The following RTN3 variants were observed in gnomAD, a reference collection of about 807,000 sequenced individuals.
The protein encoded by RTN3 is reticulon 3.
RTN3 carries 49 observed loss-of-function variants against 77.8 expected under a neutral mutation model. The observed-to-expected ratio is 0.63, with a 90% confidence interval of 0.50 to 0.80. The LOEUF is 0.80. RTN3 is among the 30% of genes least tolerant of loss of function. The pLI is 0.00. For missense variants in RTN3, 1,236 were observed against 1,211.9 expected (o/e 1.02, Z -0.29); for synonymous variants, 464 against 446.9 (o/e 1.04, Z -0.48).
intron 2 of RTN3, among the ~76,000 whole-genome samples, chr11:63,716,907 T>C (rs2134802096): frequency 7.1e-6 from 1 of 140,510 alleles, no homozygotes; most frequent in African/African-American, 2.6e-5. Context: ...AGGCGGAGCT[T>C]GCAGTGAGCA....
At chr11:63,682,295 G>A (rs1170765128) in intron 1 of RTN3, among the ~76,000 whole-genome samples, 1 of 152,144 alleles carries the variant, frequency 6.6e-6, no homozygotes, top group East Asian at 1.9e-4. Context: ...GGAAGGATGA[G>A]GAAGTTTAAT....
rs1450820876 is a variant in RTN3, at chr11:63,752,523, G to A, written c.2755G>A (p.Asp919Asn). Residue 919 changes from aspartate to asparagine, a missense_variant, in exon 5 of 9, where the codon GAC becomes AAC. Coordinates refer to ENST00000377819, the MANE Select transcript of RTN3 (RefSeq NM_001265589.2). ...GHPFKAYLDVDITLSSEAFHN... is the reference protein window; with the variant it reads ...GHPFKAYLDVNITLSSEAFHN... ...TTCTGGAAGAGCCTACCTGGACGTA[G>A]ACATTACTCTGTCCTCAGAAGCTTT... 87 of 1,613,450 alleles carry A rather than the reference G, an allele frequency of 5.4e-5. No individual in the cohort carries two copies. The highest frequency in any genetic ancestry group is 6.8e-5 in the Non-Finnish European group (80 of 1,179,512).
At chr11:63,718,291 A>G (rs1239049862) in intron 2 of RTN3, among the ~76,000 whole-genome samples, 2 of 152,214 alleles carry the variant, frequency 1.3e-5, no homozygotes, top group Non-Finnish European at 1.5e-5. Context: ...ATTGAAGTCT[A>G]TCAACCCTTT....
In RTN3 at chr11:63,719,812, A is replaced by G. The variant is rs2011625666; in HGVS notation, c.1310A>G (p.Gln437Arg). ...AAAGAATTCAGTATCAAAGGTGTGC[A>G]AGGCAATATGCAGAAACAGGATGAC... is the stretch of plus-strand genomic sequence containing the variant. ...STKEFSIKGV[Q>R]GNMQKQDDTL... Residue 437 changes from glutamine to arginine, a missense_variant, in exon 3 of 9, where the codon CAA (glutamine) becomes CGA (arginine). Around this residue, in one of 3 missense-constraint regions of RTN3, gnomAD observed 1,056 missense variants for 990.4 expected, o/e 1.07. Transcript: ENST00000377819. 1 of 1,614,086 alleles carries G rather than the reference A, an allele frequency of 6.2e-7. No individual in the cohort carries two copies.
chr11:63,754,237 G>C (rs780581458), intron 7 of RTN3, among the ~76,000 whole-genome samples: 1 of 151,566 alleles, frequency 6.6e-6, no homozygotes, highest in Non-Finnish European at 1.5e-5. Flanking sequence ...TTGCACTCCA[G>C]CCTGGGTGAT....
chr11:63,689,599 A>ATT (rs879601430), intron 1 of RTN3, among the ~76,000 whole-genome samples: 2 of 146,278 alleles, frequency 1.4e-5, no homozygotes, highest in African/African-American at 5.0e-5. Context: ...TGCTCTTGTG[A>ATT]TTTTTTTTTT....
chr11:63,738,181 G>C (rs965990147), intron 3 of RTN3, among the ~76,000 whole-genome samples: 1 of 152,078 alleles, frequency 6.6e-6, no homozygotes, highest in Non-Finnish European at 1.5e-5. Flanking sequence ...AAGCTTAACT[G>C]TTTCCCCTTT....
intron 3 of RTN3, among the ~76,000 whole-genome samples, chr11:63,735,598 C>CTCTCTT (rs1238903324): frequency 4.1e-5 from 6 of 147,764 alleles, no homozygotes; most frequent in South Asian, 2.2e-4. Flanking sequence ...CTCTCTCTCT[C>CTCTCTT]TCTTTCTTTC....
chr11:63,750,310 C>T, intron 4 of RTN3, 112 bp downstream of exon 4: 1 of 867,210 alleles, frequency 1.2e-6, no homozygotes, highest in Non-Finnish European at 1.8e-6. Flanking sequence ...GGGCCTAATG[C>T]AGCTGATTGG....
At chr11:63,729,071 GAAA>G (rs2012490387) in intron 3 of RTN3, among the ~76,000 whole-genome samples, 1 of 151,166 alleles carries the variant, frequency 6.6e-6, no homozygotes, top group African/African-American at 2.4e-5. Flanking sequence ...CTGTATTCAG[GAAA>G]AAAACAACAA....
In RTN3 at chr11:63,721,122, A is replaced by G. The variant is rs1044607742; in HGVS notation, c.2530+90A>G. The G allele has an allele frequency of 5.2e-6, 6 of 1,146,216 alleles. No homozygotes were observed. The African/African-American group carries it at 6.2e-5, about 12-fold the overall frequency. 71.0% of individuals were successfully genotyped at this position (1,146,216 alleles called of 1,614,324 possible). A position where few individuals can be genotyped will look rare whatever the true frequency, so the allele number is the denominator to read the frequency against. On this transcript the variant is annotated intron_variant, in intron 3 of 8. Transcript: ENST00000377819. The stretch of plus-strand genomic sequence containing the variant: ...ATTTATGTTAGTCTGATTTATACCT[A>G]CAAAATTATGGCTAAAATACAAAAA...
chr11:63,713,934 C>T (rs532905065), intron 2 of RTN3: 3 of 495,892 alleles, frequency 6.0e-6, no homozygotes, highest in East Asian at 5.6e-5. Flanking sequence ...GAGCTAACTG[C>T]CTTCAGATTC....
At chr11:63,729,581 C>T (rs955569854) in intron 3 of RTN3, among the ~76,000 whole-genome samples, 4 of 150,984 alleles carry the variant, frequency 2.6e-5, no homozygotes, top group African/African-American at 9.7e-5. Flanking sequence ...CCTCAGCCTC[C>T]CATGTACCTG....
At chr11:63,737,846 T>C (rs1204385776) in intron 3 of RTN3, among the ~76,000 whole-genome samples, 1 of 152,264 alleles carries the variant, frequency 6.6e-6, no homozygotes, top group Non-Finnish European at 1.5e-5. Flanking sequence ...TTCTCTGGCC[T>C]GCTGCCAGAC....
At chr11:63,703,526 A>G (rs111707430) in intron 1 of RTN3, among the ~76,000 whole-genome samples, 17 of 151,676 alleles carry the variant, frequency 1.1e-4, no homozygotes, top group African/African-American at 3.9e-4. Context: ...TTTTATGAAT[A>G]TCTTCATACA....
chr11:63,750,889 G>A (rs1415178481), intron 4 of RTN3, among the ~76,000 whole-genome samples: 18 of 151,612 alleles, frequency 1.2e-4, no homozygotes, highest in African/African-American at 1.9e-4. Flanking sequence ...CCACCATCAC[G>A]CCCGGCTAAT....
At chr11:63,727,091 C>T (rs963885276) in intron 3 of RTN3, among the ~76,000 whole-genome samples, 9 of 147,944 alleles carry the variant, frequency 6.1e-5, no homozygotes, top group Admixed American at 2.7e-4. Flanking sequence ...CCAGGGAGGT[C>T]AGGGGTGCAG....
intron 3 of RTN3, among the ~76,000 whole-genome samples, chr11:63,748,728 C>T (rs1429268939): frequency 1.4e-5 from 2 of 144,854 alleles, no homozygotes; most frequent in South Asian, 2.2e-4. Context: ...AATGCAATGG[C>T]GCGATCTCGG....
Position 63,720,444 on chromosome 11 carries a change from G to A in RTN3, c.1942G>A (p.Asp648Asn). ...LHGKNVKHID[D>N]SSPEDLIAAF... is the part of the protein sequence containing the mutation. ...TGGGAAAAATGTTAAACATATAGAT[G>A]ATTCCTCCCCAGAGGACCTGATAGC... Residue 648 changes from aspartate (D) to asparagine (N), a missense_variant, in exon 3 of 9, where the codon GAT (aspartate) becomes AAT (asparagine). Physicochemically the swap from Asp to Asn is conservative, Grantham distance 23. This residue lies in a region of RTN3 where 1,056 missense variants were observed against 990.4 expected (regional missense o/e 1.07). Transcript: ENST00000377819. 1 of 1,613,366 alleles carries A rather than the reference G, an allele frequency of 6.2e-7. No homozygotes were observed. Among genetic ancestry groups the A allele is most frequent in the Non-Finnish European group, 8.5e-7 (1 of 1,179,698 alleles).
Sources: gnomAD v4.1 joint callset for allele counts (sites outside exome capture counted in the v4.1 genomes callset) on GRCh38, gnomAD v4.1.1 for gene constraint, gnomAD v4.1.1 regional missense constraint, MANE v1.5 for transcripts, NCBI Gene and HGNC (gene_info 2026-07-23, HGNC 2026-07-21) for gene names.